Variants in DLD observed in about 807,000 individuals in gnomAD.
DLD encodes the protein dihydrolipoamide dehydrogenase.
DLD carries 36 observed loss-of-function variants against 62.2 expected under a neutral mutation model. The observed-to-expected ratio is 0.58, with a 90% CI of 0.44 to 0.76. The LOEUF (loss-of-function observed/expected upper bound fraction) is 0.76. Ranked by LOEUF, DLD falls within the 30% of genes least tolerant of loss-of-function variation. The pLI, the probability that DLD is intolerant of heterozygous loss-of-function variation, is 0.00. For missense variants in DLD, 541 were observed against 608.6 expected (o/e 0.89, Z 1.17); for synonymous variants, 204 against 199.6 (o/e 1.02, Z -0.19).
In DLD at chr7:107,917,503, T is replaced by A. The variant is rs766635908; in HGVS notation, c.1236+41T>A. The stretch of plus-strand genomic sequence containing the variant: ...GGTGGTTTTAAGCCAATGTGTGAGT[T>A]GTGCCAATGACATTGGTGGTTGAGA... On this transcript the variant is annotated intron_variant, in intron 11 of 13. Transcript: ENST00000205402. 5 of 1,583,038 alleles carry A rather than the reference T, an allele frequency of 3.2e-6. No homozygotes were observed. The South Asian group carries it at 5.5e-5, about 18-fold the overall frequency.
intron 1 of DLD, 132 bp from the exon 2 acceptor site, chr7:107,893,068 G>A: frequency 1.7e-6 from 1 of 592,730 alleles, no homozygotes; most frequent in East Asian, 2.9e-5. Flanking sequence ...GCTTCTGTGT[G>A]GCAATGGAAG....
intron 2 of DLD, 100 bp from the exon 3 acceptor site, chr7:107,901,638 A>C: frequency 1.1e-6 from 1 of 916,168 alleles, no homozygotes; most frequent in Non-Finnish European, 1.8e-6. Context: ...TTGTACTGTA[A>C]GAGGTTTAAG....
chr7:107,915,668 A>G lies in DLD; in HGVS notation c.847A>G (p.Lys283Glu). ...KLNTKVTGAT[K>E]KSDGKIDVSI... ...GAATACAAAGGTTACTGGTGCTACC[A>G]AGAAGTCAGATGGAAAAATTGATGT... Residue 283 changes from lysine (K) to glutamate (E), a missense_variant, in exon 9 of 14, where the codon AAG becomes GAG. Transcript: ENST00000205402. 1.9e-6 allele frequency: 3 copies of G among 1,613,812 alleles called. No individual in the cohort carries two copies. The highest frequency in any genetic ancestry group is 2.5e-6 in the Non-Finnish European group (3 of 1,179,844).
chr7:107,902,681 C>T (rs1363198242), intron 4 of DLD, among the ~76,000 whole-genome samples: 1 of 152,182 alleles, frequency 6.6e-6, no homozygotes, highest in Non-Finnish European at 1.5e-5. Flanking sequence ...CTTTATCTTT[C>T]CTTCACCAGT....
At position 107,919,054 on chromosome 7, in the gene DLD, T is replaced by C; in HGVS notation, c.1419T>C (p.Tyr473=). The C allele has an allele frequency of 6.2e-7, 1 of 1,614,042 alleles. No homozygotes were observed. The highest frequency in any genetic ancestry group is 1.1e-5 in the South Asian group (1 of 91,086). Residue 473 remains tyrosine, a synonymous_variant, in exon 13 of 14, where the codon TAT becomes TAC. Coordinates refer to ENST00000205402, the MANE Select transcript of DLD (RefSeq NM_000108.5). ...ATGAAGCTGCTCTTGCTTTGGAATATGGAGCATCCTGTGAAGATATAGCTA... is the reference window on the plus strand; with the variant it reads ...ATGAAGCTGCTCTTGCTTTGGAATACGGAGCATCCTGTGAAGATATAGCTA... The part of the protein sequence containing the change: ...MVNEAALALE[Y]GASCEDIARV...
At chr7:107,899,325 A>T (rs923299500) in intron 2 of DLD, among the ~76,000 whole-genome samples, 3 of 150,546 alleles carry the variant, frequency 2.0e-5, no homozygotes, top group Non-Finnish European at 4.4e-5. Context: ...TAGTATGTAC[A>T]GTGAGAGAGG....
chr7:107,894,866 G>A (rs2031678949), intron 2 of DLD, among the ~76,000 whole-genome samples: 1 of 152,188 alleles, frequency 6.6e-6, no homozygotes, highest in Non-Finnish European at 1.5e-5. Flanking sequence ...ACACATACTT[G>A]TATTTTATCT....
chr7:107,914,158 G>A (rs2032209179), intron 8 of DLD, among the ~76,000 whole-genome samples: 1 of 151,976 alleles, frequency 6.6e-6, no homozygotes, highest in Non-Finnish European at 1.5e-5. Flanking sequence ...ATGACTTACG[G>A]GGTTGAGCAT....
At chr7:107,917,515 A>G (rs930375181) in intron 11 of DLD, 53 bp downstream of exon 11, 5 of 1,544,138 alleles carry the variant, frequency 3.2e-6, no homozygotes, top group South Asian at 1.1e-5. Flanking sequence ...TGCCAATGAC[A>G]TTGGTGGTTG....
At chr7:107,894,472 T>C (rs2031667505) in intron 2 of DLD, among the ~76,000 whole-genome samples, 1 of 152,228 alleles carries the variant, frequency 6.6e-6, no homozygotes, top group Non-Finnish European at 1.5e-5. Flanking sequence ...TTATTCTAGC[T>C]TTGAACAGGT....
chr7:107,913,256 C>G (rs2032187428), intron 8 of DLD, among the ~76,000 whole-genome samples: 1 of 151,686 alleles, frequency 6.6e-6, no homozygotes. Context: ...TCTTTTTATT[C>G]AGGATTACTT....
rs2032005383 is a variant in DLD, at chr7:107,906,311, A to T, written c.627A>T (p.Leu209Phe). Reference sequence around the variant, plus strand: ...TGTCATCTACAGGTGCTTTATCTTTAAAAAAAGTTCCAGAAAAGATGGTTG... The same window carrying T: ...TGTCATCTACAGGTGCTTTATCTTTTAAAAAAGTTCCAGAAAAGATGGTTG... ...TIVSSTGALS[L>F]KKVPEKMVVI... The change falls in exon 8 of 14, where the codon TTA becomes TTT. Residue 209 changes from leucine (L) to phenylalanine (F), a missense_variant. Transcript: ENST00000205402. 1.2e-6 allele frequency: 2 copies of T among 1,608,582 alleles called. No homozygotes were observed. The highest frequency in any genetic ancestry group is 1.3e-5 in the African/African-American group (1 of 74,916).
At chr7:107,906,957 C>G (rs142443972) in intron 8 of DLD, among the ~76,000 whole-genome samples, 16 of 152,258 alleles carry the variant, frequency 1.1e-4, no homozygotes, top group African/African-American at 2.9e-4. Context: ...ATAATAAATT[C>G]AGATATTTTA....
chr7:107,892,118 T>C (rs1433898985), intron 1 of DLD, among the ~76,000 whole-genome samples: 5 of 152,132 alleles, frequency 3.3e-5, no homozygotes, highest in African/African-American at 1.2e-4. Flanking sequence ...GCTTTTTGGG[T>C]TTGCTGTCCT....
chr7:107,891,495 G>A, intron 1 of DLD: 1 of 638,378 alleles, frequency 1.6e-6, no homozygotes, highest in Non-Finnish European at 2.8e-6. Flanking sequence ...ACGGGGCTGG[G>A]CCCAGGCTGT....
intron 8 of DLD, 43 bp from the exon 9 acceptor site, chr7:107,915,463 T>C (rs772515418): frequency 1.0e-5 from 16 of 1,591,252 alleles, no homozygotes; most frequent in African/African-American, 4.0e-5. Context: ...ACATTTGCTA[T>C]AGAAACTTTT....
At position 107,905,379 on chromosome 7, in the gene DLD, T is replaced by C. The variant is rs1289298773; in HGVS notation, c.457T>C (p.Tyr153His). The change falls in exon 7 of 14, where the codon TAT (tyrosine) becomes CAT (histidine). Residue 153 changes from tyrosine to histidine, a missense_variant. Physicochemically the swap from Tyr to His is moderately conservative, Grantham distance 83 (BLOSUM62 2). Coordinates refer to ENST00000205402, the MANE Select transcript of DLD (RefSeq NM_000108.5). ...TGTAAAGGTTGTTCATGTCAATGGA[T>C]ATGGAAAGATAACTGGCAAAAATCA... ...KQNKVVHVNG[Y>H]GKITGKNQVT... 3 of 1,613,444 alleles carry C rather than the reference T, an allele frequency of 1.9e-6. No individual in the cohort carries two copies. Among genetic ancestry groups the C allele is most frequent in the Non-Finnish European group, 2.5e-6 (3 of 1,179,544 alleles).
At chr7:107,892,239 C>A (rs748866135) in intron 1 of DLD, among the ~76,000 whole-genome samples, 1 of 152,136 alleles carries the variant, frequency 6.6e-6, no homozygotes, top group African/African-American at 2.4e-5. Context: ...TGCTTTCTGC[C>A]TCATTGCCCT....
At chr7:107,902,144 G>A (rs2031891184) in intron 3 of DLD, among the ~76,000 whole-genome samples, 181 bp from the exon 4 acceptor site, 1 of 151,728 alleles carries the variant, frequency 6.6e-6, no homozygotes, top group African/African-American at 2.4e-5. Flanking sequence ...TCACTTTTGG[G>A]TCAGCCCAAA....
Sources: gnomAD v4.1 joint callset for allele counts (sites outside exome capture counted in the v4.1 genomes callset) on GRCh38, gnomAD v4.1.1 for gene constraint, MANE v1.5 for transcripts, NCBI Gene and HGNC (gene_info 2026-07-23, HGNC 2026-07-21) for gene names.